MINAR1: variants seen among roughly 807,000 people sequenced by gnomAD.
MINAR1 encodes the protein major intrinsically disordered Notch2-binding receptor 1.
In MINAR1, 40 loss-of-function variants were observed where a neutral mutation model predicts 65.1. The ratio of observed to expected loss-of-function variants is 0.61; its 90% CI spans 0.48 to 0.80. The LOEUF (loss-of-function observed/expected upper bound fraction) is 0.80, where lower values mean the gene tolerates loss of function less well. MINAR1 is among the 30% of genes least tolerant of loss of function. The pLI, the probability that MINAR1 is intolerant of heterozygous loss-of-function variation, is 0.00. For synonymous variants in MINAR1, 482 were observed against 449.1 expected (o/e 1.07, Z -0.93); for missense variants, 1,128 against 1,148.0 (o/e 0.98, Z 0.25).
At chr15:79,423,838 G>A in the MINAR1 span, 1 of 152,170 alleles carries the variant, frequency 6.6e-6, no homozygotes, top group South Asian at 2.1e-4. Flanking sequence ...ATTTTTGTAA[G>A]GATTAAGTAA....
the MINAR1 span, chr15:79,421,740 G>C: frequency 1.3e-5 from 2 of 152,234 alleles, no homozygotes; most frequent in Admixed American, 1.3e-4. Context: ...GAATGCTAGG[G>C]GTAAAGGAAG....
Position 79,456,262 on chromosome 15 carries a change from G to A in MINAR1, c.115G>A (p.Asp39Asn), listed in dbSNP as rs746811582. 1.3e-5 allele frequency: 21 copies of A among 1,614,018 alleles called. No individual in the cohort carries two copies. Among genetic ancestry groups the A allele is most frequent in the East Asian group, 2.2e-5 (1 of 44,892 alleles). Reference sequence around the variant, plus strand: ...GTGCAAATCTCTCTGTGCCCGGTTCGACCTGTCGCAGCTTGCCAAACTGAG... The same window carrying A: ...GTGCAAATCTCTCTGTGCCCGGTTCAACCTGTCGCAGCTTGCCAAACTGAG... ...DLCKSLCARF[D>N]LSQLAKLRSV... is the part of the protein sequence containing the mutation. Residue 39 changes from aspartate (D) to asparagine (N), a missense_variant, in exon 2 of 4, where the codon GAC (aspartate) becomes AAC (asparagine). Physicochemically the swap from Asp to Asn is conservative, Grantham distance 23. Coordinates refer to ENST00000305428, the MANE Select transcript of MINAR1 (RefSeq NM_015206.3).
the MINAR1 span, chr15:79,421,800 C>T: frequency 7.2e-5 from 11 of 152,378 alleles, no homozygotes; most frequent in African/African-American, 1.9e-4. Flanking sequence ...CCAGGCAAAG[C>T]GAGCACTTCT....
chr15:79,437,612 A>G (rs1894643140), intron 1 of MINAR1, among the ~76,000 whole-genome samples: 1 of 119,360 alleles, frequency 8.4e-6, no homozygotes, highest in Admixed American at 8.9e-5. Flanking sequence ...TGGAGAGGTA[A>G]TGAGTGAGTG....
At chr15:79,434,535 TCTGTGCCTG>T (rs923567495) in intron 1 of MINAR1, among the ~76,000 whole-genome samples, 1 of 152,206 alleles carries the variant, frequency 6.6e-6, no homozygotes, top group African/African-American at 2.4e-5. Context: ...CAGTTATGGC[TCTGTGCCTG>T]CTGGGCAGGG....
chr15:79,447,090 G>A (rs1344380035), intron 1 of MINAR1, among the ~76,000 whole-genome samples: 2 of 152,068 alleles, frequency 1.3e-5, no homozygotes, highest in Non-Finnish European at 2.9e-5. Flanking sequence ...GTTTCACCAT[G>A]TTGGCCAGGC....
chr15:79,457,337 A>G lies in MINAR1; in HGVS notation c.1190A>G (p.Asn397Ser). The G allele has an allele frequency of 6.2e-7, 1 of 1,614,168 alleles. No homozygotes were observed. Residue 397 changes from asparagine to serine, a missense_variant, in exon 2 of 4, where the codon AAT (asparagine) becomes AGT (serine). Transcript: ENST00000305428. ...NPSEEKLHYP[N>S]ASSQTPNFPA... ...TCCGAGGAGAAGCTACACTATCCAA[A>G]TGCCAGTAGCCAGACCCCCAATTTC... is the stretch of plus-strand genomic sequence containing the variant.
At position 79,457,160 on chromosome 15, in the gene MINAR1, C is replaced by A. The variant is rs1481755586; in HGVS notation, c.1013C>A (p.Thr338Lys). The A allele has an allele frequency of 3.7e-6, 6 of 1,614,162 alleles. No homozygotes were observed. The highest frequency in any genetic ancestry group is 5.1e-6 in the Non-Finnish European group (6 of 1,180,022). The change falls in exon 2 of 4, where the codon ACA (threonine) becomes AAA (lysine). Residue 338 changes from threonine (T) to lysine (K), a missense_variant. Transcript: ENST00000305428. ...AGCTTAGATGACCTTCAAGCCTCTACATATTTTGGGCCCACTCCCGTGATG... is the reference window on the plus strand; with the variant it reads ...AGCTTAGATGACCTTCAAGCCTCTAAATATTTTGGGCCCACTCCCGTGATG... ...HESLDDLQAS[T>K]YFGPTPVMGT...
chr15:79,445,926 T>G (rs1895006866), intron 1 of MINAR1, among the ~76,000 whole-genome samples: 1 of 152,202 alleles, frequency 6.6e-6, no homozygotes, highest in African/African-American at 2.4e-5. Context: ...GGCTTGAGAG[T>G]CATAGTCTTG....
In MINAR1 at chr15:79,458,152, G is replaced by A; in HGVS notation, c.2005G>A (p.Gly669Ser). ...ASPRMFHAHS[G>S]SHGPKLENNP... ...TCCCCGGATGTTCCACGCACACAGT[G>A]GCTCCCACGGACCCAAACTAGAGAA... The change falls in exon 2 of 4, where the codon GGC becomes AGC. Residue 669 changes from glycine to serine, a missense_variant. Transcript: ENST00000305428. 1 of 1,614,140 alleles carries A rather than the reference G, an allele frequency of 6.2e-7. No homozygotes were observed. Among genetic ancestry groups the A allele is most frequent in the Non-Finnish European group, 8.5e-7 (1 of 1,180,004 alleles).
chr15:79,428,897 T>G (rs1343801948), upstream of MINAR1, among the ~76,000 whole-genome samples: 3 of 152,072 alleles, frequency 2.0e-5, no homozygotes, highest in African/African-American at 7.2e-5. Context: ...AAGAGAATTC[T>G]GATTTTGCCC....
chr15:79,446,490 ATAT>A (rs1328916758), intron 1 of MINAR1, among the ~76,000 whole-genome samples: 1 of 152,026 alleles, frequency 6.6e-6, no homozygotes, highest in Non-Finnish European at 1.5e-5. Flanking sequence ...AATTATCTGT[ATAT>A]TATTTTTTTC....
chr15:79,457,225 A>G lies in MINAR1; in HGVS notation c.1078A>G (p.Lys360Glu), dbSNP rs1158807951. ...EARRCLGKPN[K>E]QTPWPAKSWS... ...CAGGCGCTGTCTAGGGAAGCCCAAC[A>G]AGCAGACTCCCTGGCCAGCCAAAAG... Residue 360 changes from lysine (K) to glutamate (E), a missense_variant, in exon 2 of 4, where the codon AAG becomes GAG. Transcript: ENST00000305428. 4 of 1,613,950 alleles carry G rather than the reference A, an allele frequency of 2.5e-6. No individual in the cohort carries two copies. The highest frequency in any genetic ancestry group is 3.4e-6 in the Non-Finnish European group (4 of 1,179,982).
At chr15:79,428,391 T>C (rs1401485612), upstream of MINAR1, among the ~76,000 whole-genome samples, 2 of 86,338 alleles carry the variant, frequency 2.3e-5, no homozygotes, top group Non-Finnish European at 2.2e-5. Flanking sequence ...CTCCCTCCTC[T>C]CCCTCTCTCC....
chr15:79,461,873 ACT>A (rs1369102527), intron 2 of MINAR1, among the ~76,000 whole-genome samples: 5 of 151,974 alleles, frequency 3.3e-5, no homozygotes, highest in South Asian at 4.2e-4. Context: ...TGATCCACAC[ACT>A]CACACACACT....
rs772546855 is a variant in MINAR1 at position 79,458,321 on chromosome 15, G to A, written c.2174G>A (p.Ser725Asn). ...ENSATESKIA[S>N]ISNSPRDWRT... ...AGTGCCACAGAGTCCAAAATTGCCA[G>A]CATCTCCAACTCGCCCAGAGACTGG... is the stretch of plus-strand genomic sequence containing the variant. Residue 725 changes from serine (S) to asparagine (N), a missense_variant, in exon 2 of 4, where the codon AGC (serine) becomes AAC (asparagine). By Grantham distance (46) the Ser-to-Asn change is conservative (BLOSUM62 1). Coordinates refer to ENST00000305428, the MANE Select transcript of MINAR1 (RefSeq NM_015206.3). 6.2e-7 allele frequency: 1 copy of A among 1,614,130 alleles called. No homozygotes were observed. The highest frequency in any genetic ancestry group is 1.7e-5 in the Admixed American group (1 of 60,006).
chr15:79,452,715 G>GT (rs1895267713), intron 1 of MINAR1, among the ~76,000 whole-genome samples: 1 of 117,172 alleles, frequency 8.5e-6, no homozygotes, highest in African/African-American at 4.2e-5. Flanking sequence ...TGAGTGTGTG[G>GT]GTGTGGGTGA....
At chr15:79,428,417 C>T (rs968383402), upstream of MINAR1, among the ~76,000 whole-genome samples, 3 of 124,526 alleles carry the variant, frequency 2.4e-5, no homozygotes, top group Non-Finnish European at 3.5e-5. Flanking sequence ...TCCCTCCTTC[C>T]TTCATTCTTT....
rs746964409 is a variant in MINAR1, at chr15:79,463,123, T to C, written c.2355T>C (p.Asp785=). 14 of 1,614,080 alleles carry C rather than the reference T, an allele frequency of 8.7e-6. No homozygotes were observed. The highest frequency in any genetic ancestry group is 1.1e-5 in the South Asian group (1 of 91,092). ...PQHRLPKQPK[D]GFLVEQVFSP... is the part of the protein sequence containing the mutation. ...ACCGACTGCCCAAGCAGCCCAAAGA[T>C]GGCTTCCTGGTGGAGCAGGTGTTCA... The change falls in exon 3 of 4, where the codon GAT becomes GAC. Residue 785 remains aspartate, a synonymous_variant. Coordinates refer to ENST00000305428, the MANE Select transcript of MINAR1 (RefSeq NM_015206.3).
Sources: gnomAD v4.1 joint callset for allele counts (sites outside exome capture counted in the v4.1 genomes callset) on GRCh38, gnomAD v4.1.1 for gene constraint, MANE v1.5 for transcripts, NCBI Gene and HGNC (gene_info 2026-07-23, HGNC 2026-07-21) for gene names.